PLA2G4A: variants seen among roughly 807,000 people sequenced by gnomAD.
PLA2G4A encodes the protein phospholipase A2 group IVA, also known as cytosolic phospholipase A2.
PLA2G4A carries 40 observed loss-of-function variants against 81.9 expected under a neutral mutation model. That is an observed-to-expected ratio of 0.49 (90% confidence interval 0.38 to 0.64). The LOEUF is 0.64. PLA2G4A is among the 30% of genes least tolerant of loss of function. PLA2G4A has a pLI of 0.00. For synonymous variants in PLA2G4A, 302 were observed against 296.9 expected (o/e 1.02, Z -0.18); for missense variants, 715 against 905.1 (o/e 0.79, Z 2.69).
At chr1:186,865,106 A>AT (rs1652978685) in intron 2 of PLA2G4A, among the ~76,000 whole-genome samples, 1 of 148,344 alleles carries the variant, frequency 6.7e-6, no homozygotes, top group Non-Finnish European at 1.5e-5. Context: ...ATATATATAT[A>AT]AAATATAATA....
intron 3 of PLA2G4A, among the ~76,000 whole-genome samples, chr1:186,874,299 G>A (rs1365595464): frequency 6.6e-6 from 1 of 151,978 alleles, no homozygotes; most frequent in Admixed American, 6.6e-5. Flanking sequence ...CACAACTCTG[G>A]CCACAAACTT....
At chr1:186,969,018 A>G (rs926881839) in intron 15 of PLA2G4A, among the ~76,000 whole-genome samples, 23 of 151,878 alleles carry the variant, frequency 1.5e-4, no homozygotes, top group African/African-American at 5.6e-4. Context: ...TTTTTAAACT[A>G]CTTTTAATTG....
chr1:186,853,628 A>G (rs911074152), intron 1 of PLA2G4A, among the ~76,000 whole-genome samples: 1 of 151,946 alleles, frequency 6.6e-6, no homozygotes, highest in African/African-American at 2.4e-5. Context: ...AGGACTTGGT[A>G]TAATGGAATA....
At chr1:186,840,758 TC>T (rs34795932) in intron 1 of PLA2G4A, among the ~76,000 whole-genome samples, 1 of 152,202 alleles carries the variant, frequency 6.6e-6, no homozygotes, top group Non-Finnish European at 1.5e-5. Flanking sequence ...CTGAGTGTTT[TC>T]CCTGAACTGT....
intron 12 of PLA2G4A, among the ~76,000 whole-genome samples, chr1:186,948,048 C>G (rs982993726): frequency 1.4e-4 from 22 of 152,066 alleles, no homozygotes; most frequent in African/African-American, 5.3e-4. Flanking sequence ...GGCTTATAAG[C>G]AGTATTTCCA....
chr1:186,973,961 T>C (rs1644714309), intron 15 of PLA2G4A, among the ~76,000 whole-genome samples: 2 of 152,078 alleles, frequency 1.3e-5, no homozygotes, highest in African/African-American at 4.8e-5. Context: ...TGAGAAACAT[T>C]GTAGAATAGA....
Position 186,950,739 on chromosome 1 carries a change from C to T in PLA2G4A, c.1336+11C>T, listed in dbSNP as rs28395827. On this transcript the variant is annotated intron_variant, in intron 13 of 17. Transcript: ENST00000367466. ...CACACGAACCCAAAGGTGAGTGAGC[C>T]GGAAACTTTTCTGGCCCAGATCCAT... The T allele has an allele frequency of 3.5e-5, 54 of 1,538,662 alleles. No individual in the cohort carries two copies. Among genetic ancestry groups the T allele is most frequent in the African/African-American group, 1.8e-4 (13 of 73,574 alleles).
At chr1:186,893,214 G>A (rs1172678884) in intron 4 of PLA2G4A, 55 bp downstream of exon 4, 11 of 1,469,022 alleles carry the variant, frequency 7.5e-6, no homozygotes, top group African/African-American at 1.4e-5. Context: ...TGAGAGACAT[G>A]CTTGAGTTTG....
chr1:186,912,317 C>CA (rs1558429444), intron 7 of PLA2G4A, among the ~76,000 whole-genome samples: 2 of 152,182 alleles, frequency 1.3e-5, no homozygotes, highest in African/African-American at 4.8e-5. Context: ...ACATCATTAT[C>CA]ATCCAAGTCC....
At position 186,887,829 on chromosome 1, in the gene PLA2G4A, T is replaced by C. The variant is rs528774712; in HGVS notation, c.116-5182T>C. Among the ~76,000 whole-genome samples, 4 of 152,340 alleles carry C rather than the reference T, an allele frequency of 2.6e-5. No homozygotes were observed. The East Asian group carries it at 5.8e-4, about 22-fold the overall frequency. On this transcript the variant is annotated intron_variant, in intron 3 of 17. Transcript: ENST00000367466. ...TCCTTTTCAAATCTTCTAATTCTGTTTGCTACCATGCCAGTGATGGTTATA... is the reference window on the plus strand; with the variant it reads ...TCCTTTTCAAATCTTCTAATTCTGTCTGCTACCATGCCAGTGATGGTTATA...
intron 1 of PLA2G4A, among the ~76,000 whole-genome samples, chr1:186,837,221 G>C (rs1651809259): frequency 6.6e-6 from 1 of 152,160 alleles, no homozygotes; most frequent in Non-Finnish European, 1.5e-5. Context: ...CAATGGAGTG[G>C]TGGGAGTAGA....
intron 5 of PLA2G4A, among the ~76,000 whole-genome samples, chr1:186,900,126 T>C (rs1296776663): frequency 1.3e-5 from 2 of 152,172 alleles, no homozygotes; most frequent in African/African-American, 4.8e-5. Context: ...GTTTGAGAGA[T>C]GCTGGCACAA....
At chr1:186,964,228 A>G (rs1657053696) in intron 14 of PLA2G4A, among the ~76,000 whole-genome samples, 1 of 152,204 alleles carries the variant, frequency 6.6e-6, no homozygotes, top group Admixed American at 6.5e-5. Flanking sequence ...TGGACAAGGG[A>G]ACAGAGCACA....
At chr1:186,872,600 A>C (rs1035222380) in intron 3 of PLA2G4A, among the ~76,000 whole-genome samples, 5 of 152,060 alleles carry the variant, frequency 3.3e-5, no homozygotes, top group African/African-American at 1.2e-4. Context: ...ACAGCAGTTC[A>C]AACTTTATAC....
At chr1:186,953,391 T>C (rs1656632529) in intron 13 of PLA2G4A, among the ~76,000 whole-genome samples, 1 of 152,228 alleles carries the variant, frequency 6.6e-6, no homozygotes, top group Non-Finnish European at 1.5e-5. Flanking sequence ...GTTCAGGCCT[T>C]TGGCCCATTT....
At chr1:186,885,182 AGCCAAAT>A (rs1444521242) in intron 3 of PLA2G4A, among the ~76,000 whole-genome samples, 14 of 152,184 alleles carry the variant, frequency 9.2e-5, no homozygotes. Flanking sequence ...ACGAGGCACT[AGCCAAAT>A]TCTTGATTCA....
intron 6 of PLA2G4A, among the ~76,000 whole-genome samples, chr1:186,909,810 G>T (rs573276935): frequency 6.6e-6 from 1 of 151,920 alleles, no homozygotes; most frequent in African/African-American, 2.4e-5. Context: ...AAAAGTTTTT[G>T]GTTACTTCCC....
intron 5 of PLA2G4A, among the ~76,000 whole-genome samples, chr1:186,899,629 G>A (rs1654467413): frequency 6.6e-6 from 1 of 152,170 alleles, no homozygotes; most frequent in Admixed American, 6.6e-5. Flanking sequence ...AGAAATGTGA[G>A]ATGTAAGAGT....
In PLA2G4A at chr1:186,854,310, AGAAGACTTT is replaced by A; in HGVS notation, c.-40_-32del. ...GGTTTTAAAGACGCTAGAGTGCCAA[AGAAGACTTT>A]GAAGTGTGAAAACATTTCCTGTAAT... On this transcript the variant is annotated 5_prime_UTR_variant, in exon 2 of 18. Transcript: ENST00000367466. The A allele has an allele frequency of 8.2e-7, 1 of 1,226,814 alleles. No individual in the cohort carries two copies. The highest frequency in any genetic ancestry group is 1.2e-6 in the Non-Finnish European group (1 of 827,918). The allele number at this position is 1,226,814 out of a possible 1,614,324, so 76.0% of individuals were successfully genotyped here. A position where few individuals can be genotyped will look rare whatever the true frequency, so the allele number is the denominator to read the frequency against.
Sources: gnomAD v4.1 joint callset for allele counts (sites outside exome capture counted in the v4.1 genomes callset) on GRCh38, gnomAD v4.1.1 for gene constraint, MANE v1.5 for transcripts, NCBI Gene and HGNC (gene_info 2026-07-23, HGNC 2026-07-21) for gene names.